BTG1: variants seen among roughly 807,000 people sequenced by gnomAD.
BTG1 encodes the protein BTG anti-proliferation factor 1.
A neutral mutation model predicts 15.2 loss-of-function variants in BTG1; 2 were observed. That is an observed-to-expected ratio of 0.13 (90% CI 0.05 to 0.41). BTG1 has a LOEUF of 0.41. BTG1 is among the 10% of genes least tolerant of loss of function. The pLI is 0.99. For missense variants in BTG1, 149 were observed against 215.0 expected (o/e 0.69, Z 1.92); for synonymous variants, 109 against 82.4 (o/e 1.32, Z -1.75).
At position 92,144,154 on chromosome 12, in the gene BTG1, T is replaced by A. The variant is rs770994120; in HGVS notation, c.442A>T (p.Ser148Cys). ...TNVQMVDSRISCKEELLLGRT... is the reference protein window; with the variant it reads ...TNVQMVDSRICCKEELLLGRT... Reference sequence around the variant, plus strand: ...CCCAAGAGAAGTTCCTCCTTACAGCTGATTCGGCTGTCTACCATTTGCACG... The same window carrying A: ...CCCAAGAGAAGTTCCTCCTTACAGCAGATTCGGCTGTCTACCATTTGCACG... The change falls in exon 2 of 2, where the codon AGC becomes TGC. Residue 148 changes from serine to cysteine, a missense_variant. Around this residue, in one of 3 missense-constraint regions of BTG1, gnomAD observed 52 missense variants for 57.4 expected, o/e 0.91. Coordinates refer to ENST00000256015, the MANE Select transcript of BTG1 (RefSeq NM_001731.3). 6.2e-7 allele frequency: 1 copy of A among 1,614,158 alleles called. No homozygotes were observed. The highest frequency in any genetic ancestry group is 8.5e-7 in the Non-Finnish European group (1 of 1,180,032).
Position 92,143,240 on chromosome 12 carries a change from C to T in BTG1, c.*840G>A, listed in dbSNP as rs1400866175. ...AATATACATGAACTGTACAAATTTA[C>T]ACCAGTTCATAATTTACCAAATAAA... On this transcript the variant is annotated 3_prime_UTR_variant, in exon 2 of 2. Coordinates refer to ENST00000256015, the MANE Select transcript of BTG1 (RefSeq NM_001731.3). 6 of 232,872 alleles carry T rather than the reference C, an allele frequency of 2.6e-5. No individual in the cohort carries two copies. The South Asian group carries it at 9.0e-4, about 35-fold the overall frequency. 14.4% of individuals were successfully genotyped at this position (232,872 alleles called of 1,614,324 possible). A position where few individuals can be genotyped will look rare whatever the true frequency, so the allele number is the denominator to read the frequency against.
At position 92,145,815 on chromosome 12, in the gene BTG1, C is replaced by T. The variant is rs1354430016; in HGVS notation, c.-280G>A. 7.9e-6 allele frequency: 2 copies of T among 252,104 alleles called. No individual in the cohort carries two copies. The highest frequency in any genetic ancestry group is 1.7e-4 in the South Asian group (1 of 5,910). 15.6% of individuals were successfully genotyped at this position (252,104 alleles called of 1,614,324 possible). On this transcript the variant is annotated 5_prime_UTR_variant, in exon 1 of 2. Transcript: ENST00000256015. Reference sequence around the variant, plus strand: ...CTCCAGCTCCGCAGCATTCGAAGATCTCAATAGCTGCATTTCCAGCTCCGA... The same window carrying T: ...CTCCAGCTCCGCAGCATTCGAAGATTTCAATAGCTGCATTTCCAGCTCCGA...
At position 92,142,427 on chromosome 12, in the gene BTG1, T is replaced by C. The variant is rs1464917704; in HGVS notation, c.*1653A>G. 1 of 231,758 alleles carries C rather than the reference T, an allele frequency of 4.3e-6. No homozygotes were observed. Among genetic ancestry groups the C allele is most frequent in the African/African-American group, 2.2e-5 (1 of 45,260 alleles). 14.4% of individuals were successfully genotyped at this position (231,758 alleles called of 1,614,324 possible). On this transcript the variant is annotated 3_prime_UTR_variant, in exon 2 of 2. Transcript: ENST00000256015. ...ACTTTCAATTTCCACTGAAAAACGC[T>C]GTTATCCTCTACAACTAAACAGCAA...
chr12:92,144,871 C>A (rs1035948239), intron 1 of BTG1, among the ~76,000 whole-genome samples: 4 of 152,220 alleles, frequency 2.6e-5, no homozygotes, highest in South Asian at 2.1e-4. Context: ...CTAAACCACG[C>A]TCTGGGCAGG....
rs2136945643 is a variant in BTG1, at chr12:92,142,183, T to G, written c.*1897A>C. 4.3e-6 allele frequency: 1 copy of G among 232,052 alleles called. No individual in the cohort carries two copies. Among genetic ancestry groups the G allele is most frequent in the East Asian group, 6.1e-5 (1 of 16,360 alleles). 14.4% of individuals were successfully genotyped at this position (232,052 alleles called of 1,614,324 possible). A position where few individuals can be genotyped will look rare whatever the true frequency, so the allele number is the denominator to read the frequency against. Reference sequence around the variant, plus strand: ...TATCCACAGACATTTGTACTCTAAATACCTGCATATTCAGTGGCCTATTCC... The same window carrying G: ...TATCCACAGACATTTGTACTCTAAAGACCTGCATATTCAGTGGCCTATTCC... On this transcript the variant is annotated 3_prime_UTR_variant, in exon 2 of 2. Transcript: ENST00000256015.
intron 1 of BTG1, among the ~76,000 whole-genome samples, chr12:92,144,681 G>T (rs1197648630): frequency 6.6e-6 from 1 of 152,200 alleles, no homozygotes; most frequent in Non-Finnish European, 1.5e-5. Flanking sequence ...CGGTTGAGCC[G>T]CCAAAACAGG....
At position 92,145,410 on chromosome 12, in the gene BTG1, C is replaced by G; in HGVS notation, c.126G>C (p.Gln42His). 6.3e-7 allele frequency: 1 copy of G among 1,587,084 alleles called. No homozygotes were observed. The highest frequency in any genetic ancestry group is 8.6e-7 in the Non-Finnish European group (1 of 1,168,242). Residue 42 changes from glutamine to histidine, a missense_variant, in exon 1 of 2, where the codon CAG becomes CAC. By Grantham distance (24) the Gln-to-His change is conservative. Transcript: ENST00000256015. Reference protein sequence around the residue: ...TSERQLQTFSQSLQELLAEHY... With the variant: ...TSERQLQTFSHSLQELLAEHY... Reference sequence around the variant, plus strand: ...CACCTGCCAGCAGCTCCTGCAGGCTCTGGCTGAAGGTCTGCAGCTGTCGCT... The same window carrying G: ...CACCTGCCAGCAGCTCCTGCAGGCTGTGGCTGAAGGTCTGCAGCTGTCGCT...
chr12:92,144,129 C>A lies in BTG1; in HGVS notation c.467G>T (p.Gly156Val). The change falls in exon 2 of 2, where the codon GGC (glycine) becomes GTC (valine). Residue 156 changes from glycine (G) to valine (V), a missense_variant. Physicochemically the swap from Gly to Val is moderately radical, Grantham distance 109. Coordinates refer to ENST00000256015, the MANE Select transcript of BTG1 (RefSeq NM_001731.3). ...RISCKEELLL[G>V]RTSPSKNYNM... The stretch of plus-strand genomic sequence containing the variant: ...GTAGTTTTTGGAAGGGCTCGTTCTG[C>A]CCAAGAGAAGTTCCTCCTTACAGCT... 1 of 1,613,654 alleles carries A rather than the reference C, an allele frequency of 6.2e-7. No homozygotes were observed. The highest frequency in any genetic ancestry group is 8.5e-7 in the Non-Finnish European group (1 of 1,179,998).
At position 92,145,575 on chromosome 12, in the gene BTG1, C is replaced by G; in HGVS notation, c.-40G>C. On this transcript the variant is annotated 5_prime_UTR_variant, in exon 1 of 2. Transcript: ENST00000256015. ...GGGGCGGCCCGGGGCGGCTGGGGCTCGGCGGCGCGGCCCCGACGGCGGAGC... is the reference window on the plus strand; with the variant it reads ...GGGGCGGCCCGGGGCGGCTGGGGCTGGGCGGCGCGGCCCCGACGGCGGAGC... The G allele has an allele frequency of 3.1e-6, 4 of 1,275,198 alleles. No individual in the cohort carries two copies. The highest frequency in any genetic ancestry group is 4.0e-6 in the Non-Finnish European group (4 of 1,005,770). The allele number at this position is 1,275,198 out of a possible 1,614,324, so 79.0% of individuals were successfully genotyped here.
rs1056341890 is a variant in BTG1, at chr12:92,142,762, G to T, written c.*1318C>A. On this transcript the variant is annotated 3_prime_UTR_variant, in exon 2 of 2. Coordinates refer to ENST00000256015, the MANE Select transcript of BTG1 (RefSeq NM_001731.3). ...TCTAATTGAACAAAGAATCCATGGG[G>T]CAAAGTAATTGTTTTTCAAAGGTGG... 4.3e-6 allele frequency: 1 copy of T among 232,920 alleles called. No individual in the cohort carries two copies. The highest frequency in any genetic ancestry group is 2.2e-5 in the African/African-American group (1 of 45,300). 14.4% of individuals were successfully genotyped at this position (232,920 alleles called of 1,614,324 possible).
chr12:92,145,611 G>A lies in BTG1; in HGVS notation c.-76C>T. On this transcript the variant is annotated 5_prime_UTR_variant, in exon 1 of 2. Transcript: ENST00000256015. ...CCCCGACGGCGGAGCAGCCACCCCG[G>A]GCTTCCTCACCGGGCGGAAGGCTGA... 9.2e-7 allele frequency: 1 copy of A among 1,092,496 alleles called. No individual in the cohort carries two copies. The highest frequency in any genetic ancestry group is 1.2e-6 in the Non-Finnish European group (1 of 849,390). The allele number at this position is 1,092,496 out of a possible 1,614,324, so 67.7% of individuals were successfully genotyped here. A position where few individuals can be genotyped will look rare whatever the true frequency, so the allele number is the denominator to read the frequency against.
In BTG1 at chr12:92,141,071, A is replaced by G; in HGVS notation, c.*3009T>C. On this transcript the variant is annotated 3_prime_UTR_variant, in exon 2 of 2. Transcript: ENST00000256015. ...AATAGTAGATTTATTTGCTCCCAAG[A>G]TTAAAGGGAGCCTGGAAACCTGTAG... The G allele has an allele frequency of 4.3e-6, 1 of 232,910 alleles. No individual in the cohort carries two copies. The highest frequency in any genetic ancestry group is 8.5e-6 in the Non-Finnish European group (1 of 117,814). 14.4% of individuals were successfully genotyped at this position (232,910 alleles called of 1,614,324 possible).
chr12:92,144,847 A>G (rs1870480001), intron 1 of BTG1, among the ~76,000 whole-genome samples: 3 of 152,290 alleles, frequency 2.0e-5, no homozygotes, highest in African/African-American at 7.2e-5. Context: ...CGAAGGGAAG[A>G]AAAACAAGCA....
In BTG1 at chr12:92,141,915, T is replaced by C. The variant is rs545783079; in HGVS notation, c.*2165A>G. 1.3e-4 allele frequency: 29 copies of C among 230,862 alleles called. 1 individual carries two copies. The highest frequency in any genetic ancestry group is 1.2e-3 in the Admixed American group (22 of 17,632). The allele number at this position is 230,862 out of a possible 1,614,324, so 14.3% of individuals were successfully genotyped here. ...GCTTTATGATAAAAAAAAAAAATGG[T>C]TGAGGTACTTAGTTTCAATGGAGTT... On this transcript the variant is annotated 3_prime_UTR_variant, in exon 2 of 2. Coordinates refer to ENST00000256015, the MANE Select transcript of BTG1 (RefSeq NM_001731.3).
In BTG1 at chr12:92,145,632, G is replaced by A. The variant is rs1870540557; in HGVS notation, c.-97C>T. The A allele has an allele frequency of 1.1e-6, 1 of 897,828 alleles. No individual in the cohort carries two copies. 55.6% of individuals were successfully genotyped at this position (897,828 alleles called of 1,614,324 possible). Reference sequence around the variant, plus strand: ...CCCGGGCTTCCTCACCGGGCGGAAGGCTGAGAGGAAGAGAGGGCGTGAGGG... The same window carrying A: ...CCCGGGCTTCCTCACCGGGCGGAAGACTGAGAGGAAGAGAGGGCGTGAGGG... On this transcript the variant is annotated 5_prime_UTR_variant, in exon 1 of 2. Transcript: ENST00000256015.
Position 92,143,049 on chromosome 12 carries a change from AG to A in BTG1, c.*1030del, listed in dbSNP as rs1870355148. On this transcript the variant is annotated 3_prime_UTR_variant, in exon 2 of 2. Coordinates refer to ENST00000256015, the MANE Select transcript of BTG1 (RefSeq NM_001731.3). ...TTCCAGCATGACCAGTGTGCAACAG[AG>A]ATTCAGTTTATAGAACCTGTCTTCT... 2.1e-5 allele frequency: 5 copies of A among 232,872 alleles called. No homozygotes were observed. Among genetic ancestry groups the A allele is most frequent in the Admixed American group, 1.7e-4 (3 of 17,768 alleles). 14.4% of individuals were successfully genotyped at this position (232,872 alleles called of 1,614,324 possible). A position where few individuals can be genotyped will look rare whatever the true frequency, so the allele number is the denominator to read the frequency against.
chr12:92,144,381 A>G lies in BTG1; in HGVS notation c.215T>C (p.Ile72Thr). ...CKGSGYRCIR[I>T]NHKMDPLIGQ... ...AATCAGAGGATCCATTTTATGGTTG[A>G]TGCGAATACAACGGTAACCCGATCC... is the stretch of plus-strand genomic sequence containing the variant. The change falls in exon 2 of 2, where the codon ATC (isoleucine) becomes ACC (threonine). Residue 72 changes from isoleucine (I) to threonine (T), a missense_variant. By Grantham distance (89) the Ile-to-Thr change is moderately conservative. Transcript: ENST00000256015. The G allele has an allele frequency of 6.2e-7, 1 of 1,614,248 alleles. No individual in the cohort carries two copies. The highest frequency in any genetic ancestry group is 8.5e-7 in the Non-Finnish European group (1 of 1,180,032).
rs934367105 is a variant in BTG1, at chr12:92,141,798, A to G, written c.*2282T>C. ...AGCCAGACATCACCTGAATTCTAAA[A>G]TAAACATTTTTATTAACTGTTTCCA... On this transcript the variant is annotated 3_prime_UTR_variant, in exon 2 of 2. Transcript: ENST00000256015. 4 of 232,546 alleles carry G rather than the reference A, an allele frequency of 1.7e-5. No homozygotes were observed. The highest frequency in any genetic ancestry group is 5.6e-5 in the Admixed American group (1 of 17,776). The allele number at this position is 232,546 out of a possible 1,614,324, so 14.4% of individuals were successfully genotyped here.
In BTG1 at chr12:92,142,145, G is replaced by C. The variant is rs1870274943; in HGVS notation, c.*1935C>G. Reference sequence around the variant, plus strand: ...TCTACGAATTCTAACTCTCGAGAATGGTGTGCCAATAATATCCACAGACAT... The same window carrying C: ...TCTACGAATTCTAACTCTCGAGAATCGTGTGCCAATAATATCCACAGACAT... On this transcript the variant is annotated 3_prime_UTR_variant, in exon 2 of 2. Coordinates refer to ENST00000256015, the MANE Select transcript of BTG1 (RefSeq NM_001731.3). 4.3e-6 allele frequency: 1 copy of C among 232,140 alleles called. No homozygotes were observed. Among genetic ancestry groups the C allele is most frequent in the Non-Finnish European group, 8.5e-6 (1 of 117,452 alleles). The allele number at this position is 232,140 out of a possible 1,614,324, so 14.4% of individuals were successfully genotyped here.
Sources: allele counts gnomAD v4.1 joint callset (sites outside exome capture counted in the v4.1 genomes callset), GRCh38; gene constraint gnomAD v4.1.1; regional missense constraint gnomAD v4.1.1; transcripts MANE v1.5; gene names NCBI Gene and HGNC (gene_info 2026-07-23, HGNC 2026-07-21).